DENND1A: variants seen among roughly 807,000 people sequenced by gnomAD.
The protein encoded by DENND1A is DENN domain containing 1A.
DENND1A carries 51 observed loss-of-function variants against 113.7 expected under a neutral mutation model. The observed-to-expected ratio is 0.45, with a 90% CI of 0.36 to 0.57. The LOEUF (loss-of-function observed/expected upper bound fraction) is 0.57, where lower values mean the gene tolerates loss of function less well. DENND1A is among the 20% of genes least tolerant of loss of function. The pLI is 0.00. For synonymous variants in DENND1A, 565 were observed against 570.8 expected, an observed-to-expected ratio of 0.99 and a Z score of 0.14; for missense variants, 1,258 against 1,395.9, an observed-to-expected ratio of 0.90 and a Z score of 1.57.
intron 13 of DENND1A, 68 bp downstream of exon 13, chr9:123,557,501 TG>T: frequency 6.4e-7 from 1 of 1,570,892 alleles, no homozygotes; most frequent in Admixed American, 1.8e-5. Context: ...TGGCATTTCT[TG>T]TGGCCCCTGA....
Position 123,382,382 on chromosome 9 carries a change from G to T in DENND1A, c.2263C>A (p.Leu755Met). ...GGCCGGGGGATGGTGATGCTGCCCA[G>T]AGTAGGGGTGGGCACCTCCTCCTTG... ...SDKEEVPTPT[L>M]GSITIPRPQG... The change falls in exon 24 of 24, where the codon CTG becomes ATG. Residue 755 changes from leucine to methionine, a missense_variant. Leu to Met is a conservative substitution (Grantham distance 15, BLOSUM62 2). This residue lies in a region of DENND1A where 1,159 missense variants were observed against 1,231.7 expected (regional missense o/e 0.94). Coordinates refer to ENST00000394215, the MANE Select transcript of DENND1A (RefSeq NM_001352964.2). The T allele has an allele frequency of 6.3e-7, 1 of 1,598,780 alleles. No homozygotes were observed.
At chr9:123,583,972 T>C (rs950298346) in intron 11 of DENND1A, among the ~76,000 whole-genome samples, 1 of 152,222 alleles carries the variant, frequency 6.6e-6, no homozygotes, top group African/African-American at 2.4e-5. Flanking sequence ...AAAAGAATCC[T>C]GCCCCCAATC....
chr9:123,787,724 T>G lies in DENND1A; in HGVS notation c.132+4863A>C, dbSNP rs528198725. Among the ~76,000 whole-genome samples the G allele has an allele frequency of 1.4e-4, 21 of 152,284 alleles. No homozygotes were observed. In the East Asian group the frequency reaches 3.8e-3, roughly 28 times the overall value. ...GTTGGTATATGTTTTTATAATTTGT[T>G]TAACTGCCTATAGTGAAATTTTGAA... On this transcript the variant is annotated intron_variant, in intron 3 of 23. Coordinates refer to ENST00000394215, the MANE Select transcript of DENND1A (RefSeq NM_001352964.2).
intron 19 of DENND1A, among the ~76,000 whole-genome samples, chr9:123,430,853 T>C (rs560120584): frequency 6.6e-6 from 1 of 151,946 alleles, no homozygotes; most frequent in Non-Finnish European, 1.5e-5. Flanking sequence ...GAAGAAAAAA[T>C]TAGCCAGGTG....
intron 2 of DENND1A, among the ~76,000 whole-genome samples, chr9:123,794,660 A>T (rs1359703241): frequency 6.6e-6 from 1 of 152,204 alleles, no homozygotes; most frequent in Non-Finnish European, 1.5e-5. Flanking sequence ...CAAAATTTGT[A>T]GTATATTCTT....
chr9:123,549,120 C>G (rs1039813928), intron 13 of DENND1A, among the ~76,000 whole-genome samples: 1 of 152,116 alleles, frequency 6.6e-6, no homozygotes, highest in Non-Finnish European at 1.5e-5. Flanking sequence ...TTTAGACAGA[C>G]CTGGGTGTGA....
chr9:123,733,944 G>A (rs1402765870), intron 5 of DENND1A, among the ~76,000 whole-genome samples: 1 of 151,990 alleles, frequency 6.6e-6, no homozygotes, highest in Non-Finnish European at 1.5e-5. Flanking sequence ...GGTATTACAG[G>A]CATGAGCCAC....
chr9:123,766,703 G>C (rs1458882748), intron 4 of DENND1A, among the ~76,000 whole-genome samples: 1 of 152,196 alleles, frequency 6.6e-6, no homozygotes, highest in East Asian at 1.9e-4. Context: ...TTCAAATGAA[G>C]ATAATGGCAC....
At chr9:123,784,589 A>G (rs1040006238) in intron 3 of DENND1A, among the ~76,000 whole-genome samples, 1 of 152,216 alleles carries the variant, frequency 6.6e-6, no homozygotes, top group Admixed American at 6.5e-5. Flanking sequence ...ATAACTTACT[A>G]GAAACAAGAC....
In DENND1A at chr9:123,910,017, TG is replaced by T. The variant is rs1165219727; in HGVS notation, c.17+19871del. ...TGCACTAAAAACTACAAAATGCTGCTGAAAAAAAATTGAAGATATGTAAGGA... is the reference window on the plus strand; with the variant it reads ...TGCACTAAAAACTACAAAATGCTGCTAAAAAAAATTGAAGATATGTAAGGA... On this transcript the variant is annotated intron_variant, in intron 1 of 23. Transcript: ENST00000394215. Among the ~76,000 whole-genome samples, 6 of 152,134 alleles carry T rather than the reference TG, an allele frequency of 3.9e-5. No individual in the cohort carries two copies. In the South Asian group the frequency reaches 1.2e-3, roughly 32 times the overall value.
At chr9:123,437,697 G>T (rs996680938) in intron 19 of DENND1A, 1 of 152,064 alleles carries the variant, frequency 6.6e-6, no homozygotes, top group African/African-American at 2.4e-5. Context: ...TCTGGGCTTG[G>T]GTTTCCAAGC....
At chr9:123,722,788 G>C (rs181873633) in intron 5 of DENND1A, among the ~76,000 whole-genome samples, 1 of 152,382 alleles carries the variant, frequency 6.6e-6, no homozygotes, top group Admixed American at 6.5e-5. Context: ...TGGATGCCCA[G>C]GCAGAAGTTT....
chr9:123,814,724 A>G (rs985352922), intron 2 of DENND1A, among the ~76,000 whole-genome samples: 2 of 152,196 alleles, frequency 1.3e-5, no homozygotes, highest in African/African-American at 4.8e-5. Flanking sequence ...CATGCTAAAA[A>G]AACATTACTC....
intron 2 of DENND1A, among the ~76,000 whole-genome samples, chr9:123,807,413 G>A (rs1013018603): frequency 2.0e-5 from 3 of 152,054 alleles, no homozygotes; most frequent in African/African-American, 7.3e-5. Flanking sequence ...TGTAATATTC[G>A]CTACTTTGGC....
chr9:123,425,057 G>A (rs988477084), intron 19 of DENND1A, among the ~76,000 whole-genome samples: 1 of 152,206 alleles, frequency 6.6e-6, no homozygotes, highest in Non-Finnish European at 1.5e-5. Context: ...TGTGACCATG[G>A]GGCGGGGACT....
chr9:123,663,291 A>G (rs1326718866), intron 8 of DENND1A, among the ~76,000 whole-genome samples: 1 of 152,250 alleles, frequency 6.6e-6, no homozygotes, highest in East Asian at 1.9e-4. Flanking sequence ...CACATCCCTA[A>G]GGTACTTGTT....
At chr9:123,679,788 T>C (rs989085641) in intron 5 of DENND1A, among the ~76,000 whole-genome samples, 1 of 152,180 alleles carries the variant, frequency 6.6e-6, no homozygotes, top group Non-Finnish European at 1.5e-5. Context: ...TCTGCGTGTG[T>C]CTGTCATCAT....
chr9:123,434,891 C>T (rs1306233672), intron 19 of DENND1A, among the ~76,000 whole-genome samples: 1 of 152,112 alleles, frequency 6.6e-6, no homozygotes, highest in Non-Finnish European at 1.5e-5. Flanking sequence ...ACAGGGAGTA[C>T]CAGTTAGGAG....
At chr9:123,462,400 G>A (rs1294219567) in intron 13 of DENND1A, among the ~76,000 whole-genome samples, 1 of 152,194 alleles carries the variant, frequency 6.6e-6, no homozygotes, top group Admixed American at 6.5e-5. Flanking sequence ...CCAAACCCAG[G>A]TGTGCAGCAT....
Sources: gnomAD v4.1 joint callset for allele counts (sites outside exome capture counted in the v4.1 genomes callset) on GRCh38, gnomAD v4.1.1 for gene constraint, gnomAD v4.1.1 regional missense constraint, MANE v1.5 for transcripts, NCBI Gene and HGNC (gene_info 2026-07-23, HGNC 2026-07-21) for gene names.